The following ATP2C2 variants were observed in gnomAD, a reference collection of about 807,000 sequenced individuals.
ATP2C2 encodes the protein calcium-transporting ATPase type 2C member 2.
Under a neutral mutation model 110.8 loss-of-function variants are expected in ATP2C2, and 171 were observed. That is an observed-to-expected ratio of 1.54 (90% CI 1.36 to 1.75). The LOEUF is 1.75. Ranked by LOEUF, ATP2C2 falls within the 40% of genes most tolerant of loss-of-function variation. The pLI is 0.00. For synonymous variants in ATP2C2, 804 were observed against 508.4 expected (o/e 1.58, Z -7.82); for missense variants, 1,963 against 1,235.0 (o/e 1.59, Z -8.84).
chr16:84,429,574 G>T (rs930887249), intron 11 of ATP2C2, among the ~76,000 whole-genome samples: 3 of 152,132 alleles, frequency 2.0e-5, no homozygotes, highest in Non-Finnish European at 4.4e-5. Flanking sequence ...TGGGATTGGG[G>T]GAGGTTGTGA....
intron 14 of ATP2C2, among the ~76,000 whole-genome samples, chr16:84,441,278 T>TA (rs1567727221): frequency 3.9e-5 from 6 of 151,998 alleles, no homozygotes; most frequent in African/African-American, 9.7e-5. Flanking sequence ...ATTATTTTTT[T>TA]TAAAAAAATT....
Position 84,442,596 on chromosome 16 carries a change from G to T in ATP2C2, c.1398G>T (p.Met466Ile). The stretch of plus-strand genomic sequence containing the variant: ...AGGGTGCATTGATGGCCCTGGCGAT[G>T]AAGGTAGGAGGTCCTGGGGTGGCTC... ...PTEGALMALA[M>I]KMDLSDIKNS... The change falls in exon 15 of 27, where the codon ATG (methionine) becomes ATT (isoleucine). Residue 466 changes from methionine (M) to isoleucine (I), a missense_variant. By Grantham distance (10) the Met-to-Ile change is conservative (BLOSUM62 1). Coordinates refer to ENST00000262429, the MANE Select transcript of ATP2C2 (RefSeq NM_014861.4). 6.2e-7 allele frequency: 1 copy of T among 1,613,920 alleles called. No individual in the cohort carries two copies. Among genetic ancestry groups the T allele is most frequent in the Non-Finnish European group, 8.5e-7 (1 of 1,179,880 alleles).
At chr16:84,449,802 C>A (rs1433879831) in intron 17 of ATP2C2, among the ~76,000 whole-genome samples, 2 of 152,216 alleles carry the variant, frequency 1.3e-5, no homozygotes, top group Non-Finnish European at 2.9e-5. Flanking sequence ...GCTCCCTGTT[C>A]TTGTCACATC....
chr16:84,379,372 C>T (rs998958505), intron 1 of ATP2C2, among the ~76,000 whole-genome samples: 1 of 152,156 alleles, frequency 6.6e-6, no homozygotes, highest in African/African-American at 2.4e-5. Context: ...TGCTAAGTTG[C>T]CTAGGCTGGT....
At chr16:84,370,043 T>C (rs1909860513) in intron 1 of ATP2C2, among the ~76,000 whole-genome samples, 1 of 152,248 alleles carries the variant, frequency 6.6e-6, no homozygotes, top group Non-Finnish European at 1.5e-5. Flanking sequence ...TTTTTTCCTT[T>C]CCATCTTTTG....
intron 18 of ATP2C2, 35 bp downstream of exon 18, chr16:84,452,126 GA>G: frequency 6.2e-7 from 1 of 1,612,284 alleles, no homozygotes; most frequent in Non-Finnish European, 8.5e-7. Flanking sequence ...AGGACGAAAG[GA>G]CCCATCCATC....
At chr16:84,401,154 C>T (rs1218397181) in intron 2 of ATP2C2, among the ~76,000 whole-genome samples, 2 of 151,598 alleles carry the variant, frequency 1.3e-5, no homozygotes, top group South Asian at 2.1e-4. Context: ...AGTTCAATGT[C>T]CTGGAGAGTT....
chr16:84,397,421 A>C (rs1258035785), intron 1 of ATP2C2, among the ~76,000 whole-genome samples: 1 of 151,748 alleles, frequency 6.6e-6, no homozygotes, highest in African/African-American at 2.4e-5. Context: ...CTACATATGT[A>C]TATTGTTGCC....
intron 7 of ATP2C2, among the ~76,000 whole-genome samples, chr16:84,421,289 CTG>C (rs1907316072): frequency 6.6e-6 from 1 of 152,194 alleles, no homozygotes; most frequent in African/African-American, 2.4e-5. Context: ...CTCCCTGACG[CTG>C]TGGGGTCCAC....
chr16:84,446,959 G>A (rs969694029), intron 16 of ATP2C2, among the ~76,000 whole-genome samples: 3 of 152,162 alleles, frequency 2.0e-5, no homozygotes, highest in African/African-American at 7.2e-5. Context: ...TGTCTGTGTG[G>A]TGCATCAGCG....
Position 84,422,645 on chromosome 16 carries a change from C to A in ATP2C2, c.791C>A (p.Thr264Lys). Residue 264 changes from threonine (T) to lysine (K), a missense_variant, in exon 9 of 27, where the codon ACA (threonine) becomes AAA (lysine). By Grantham distance (78) the Thr-to-Lys change is moderately conservative (BLOSUM62 -1). Coordinates refer to ENST00000262429, the MANE Select transcript of ATP2C2 (RefSeq NM_014861.4). ...YGRGQGVVIG[T>K]GESSQFGEVF... ...TGGACACAGGGGGTCGTGATTGGAA[C>A]AGGGGAAAGCTCTCAGTTCGGAGAA... 5.0e-6 allele frequency: 8 copies of A among 1,613,540 alleles called. No homozygotes were observed. The highest frequency in any genetic ancestry group is 5.9e-6 in the Non-Finnish European group (7 of 1,179,796).
chr16:84,453,256 C>A (rs747400004), intron 19 of ATP2C2, 21 bp downstream of exon 19: 1 of 1,613,970 alleles, frequency 6.2e-7, no homozygotes, highest in Admixed American at 1.7e-5. Context: ...GGAGGCTTGG[C>A]TGGCAGTGGG....
intron 14 of ATP2C2, 88 bp downstream of exon 14, chr16:84,441,046 C>T (rs575082870): frequency 1.0e-5 from 12 of 1,148,330 alleles, no homozygotes; most frequent in African/African-American, 3.0e-5. Context: ...GCCATTGAAC[C>T]TACTGGTTCT....
intron 1 of ATP2C2, among the ~76,000 whole-genome samples, chr16:84,389,190 C>T (rs1904500850): frequency 6.6e-6 from 1 of 152,218 alleles, no homozygotes; most frequent in African/African-American, 2.4e-5. Flanking sequence ...GGGATTCCCA[C>T]ATGAGCCGTT....
At chr16:84,440,991 C>A in intron 14 of ATP2C2, 33 bp downstream of exon 14, 1 of 1,532,956 alleles carries the variant, frequency 6.5e-7, no homozygotes, top group Non-Finnish European at 9.0e-7. Flanking sequence ...GGGAAATAGG[C>A]ATTTACATTG....
Position 84,410,592 on chromosome 16 carries a change from G to A in ATP2C2, c.442G>A (p.Ala148Thr), listed in dbSNP as rs759980363. ...GGCAGTGCTTGTCGTGGTCACTGTC[G>A]CCTTCATCCAGGTGAGTATTTCCTG... ...ATAVLVVVTVAFIQEYRSEKS... is the reference protein window; with the variant it reads ...ATAVLVVVTVTFIQEYRSEKS... Residue 148 changes from alanine to threonine, a missense_variant, in exon 5 of 27, where the codon GCC (alanine) becomes ACC (threonine). Physicochemically the swap from Ala to Thr is moderately conservative, Grantham distance 58. Coordinates refer to ENST00000262429, the MANE Select transcript of ATP2C2 (RefSeq NM_014861.4). The A allele has an allele frequency of 1.1e-5, 17 of 1,614,024 alleles. No individual in the cohort carries two copies. The highest frequency in any genetic ancestry group is 8.8e-5 in the South Asian group (8 of 91,070).
At position 84,459,352 on chromosome 16, in the gene ATP2C2, A is replaced by C. The variant is rs1325280089; in HGVS notation, c.2299A>C (p.Ile767Leu). The C allele has an allele frequency of 3.1e-6, 5 of 1,614,166 alleles. No individual in the cohort carries two copies. The highest frequency in any genetic ancestry group is 1.7e-5 in the Admixed American group (1 of 60,030). Reference protein sequence around the residue: ...SPLNAMQILWINIIMDGPPAQ... With the variant: ...SPLNAMQILWLNIIMDGPPAQ... ...CCTCAACGCCATGCAGATCCTATGG[A>C]TCAACATCATCATGGATGGGCCACC... is the stretch of plus-strand genomic sequence containing the variant. The change falls in exon 23 of 27, where the codon ATC (isoleucine) becomes CTC (leucine). Residue 767 changes from isoleucine (I) to leucine (L), a missense_variant. Coordinates refer to ENST00000262429, the MANE Select transcript of ATP2C2 (RefSeq NM_014861.4).
chr16:84,462,168 A>C, intron 26 of ATP2C2, 39 bp downstream of exon 26: 1 of 1,591,308 alleles, frequency 6.3e-7, no homozygotes, highest in Non-Finnish European at 8.6e-7. Context: ...GACCTCGACC[A>C]GGGCCATGGG....
intron 7 of ATP2C2, among the ~76,000 whole-genome samples, chr16:84,418,885 T>C (rs565001628): frequency 6.6e-6 from 1 of 152,000 alleles, no homozygotes; most frequent in Non-Finnish European, 1.5e-5. Flanking sequence ...AGGTCAAAAT[T>C]GAAATCGTTT....
Sources: allele counts gnomAD v4.1 joint callset (sites outside exome capture counted in the v4.1 genomes callset), GRCh38; gene constraint gnomAD v4.1.1; transcripts MANE v1.5; gene names NCBI Gene and HGNC (gene_info 2026-07-23, HGNC 2026-07-21).